Variants in GLIPR1L2 observed in about 807,000 individuals in gnomAD.
The protein encoded by GLIPR1L2 is GLIPR1-like protein 2.
GLIPR1L2 carries 21 observed loss-of-function variants against 28.4 expected under a neutral mutation model. That is an observed-to-expected ratio of 0.74 (90% confidence interval 0.52 to 1.06). The LOEUF is 1.06. Ranked by LOEUF, GLIPR1L2 falls within the 50% of genes least tolerant of loss-of-function variation. The probability of loss-of-function intolerance (pLI) is 0.00; values close to 1 mark genes in which losing one functional copy is unlikely to be tolerated. For synonymous variants in GLIPR1L2, 145 were observed against 139.3 expected, an observed-to-expected ratio of 1.04 and a Z score of -0.29; for missense variants, 476 against 416.9, an observed-to-expected ratio of 1.14 and a Z score of -1.23.
chr12:75,396,253 C>G (rs1277501518), intron 1 of GLIPR1L2, among the ~76,000 whole-genome samples: 3 of 152,060 alleles, frequency 2.0e-5, no homozygotes, highest in African/African-American at 7.2e-5. Flanking sequence ...CAGCCTTTAA[C>G]CCTGGGGCTC....
Position 75,391,109 on chromosome 12 carries a change from G to A in GLIPR1L2, c.-8G>A. 3 of 1,603,500 alleles carry A rather than the reference G, an allele frequency of 1.9e-6. No homozygotes were observed. Among genetic ancestry groups the A allele is most frequent in the Non-Finnish European group, 2.6e-6 (3 of 1,171,814 alleles). Reference sequence around the variant, plus strand: ...CGTGCGCACTGGCCTGTCAGCGGCCGGTGGACCATGGAGGCCGCAAGGCCC... The same window carrying A: ...CGTGCGCACTGGCCTGTCAGCGGCCAGTGGACCATGGAGGCCGCAAGGCCC... On this transcript the variant is annotated 5_prime_UTR_variant, in exon 1 of 6. Transcript: ENST00000550916.
intron 1 of GLIPR1L2, among the ~76,000 whole-genome samples, chr12:75,394,082 A>T (rs1486833519): frequency 6.6e-6 from 1 of 152,000 alleles, no homozygotes; most frequent in East Asian, 1.9e-4. Flanking sequence ...CTATCTATTC[A>T]AGTCGTTTGC....
chr12:75,428,035 T>C (rs1370175925), intron 4 of GLIPR1L2, among the ~76,000 whole-genome samples: 2 of 152,152 alleles, frequency 1.3e-5, no homozygotes, highest in Non-Finnish European at 2.9e-5. Flanking sequence ...TACCTGAAAA[T>C]GTGGAAGCAA....
intron 3 of GLIPR1L2, among the ~76,000 whole-genome samples, chr12:75,414,442 C>A (rs1484858587): frequency 1.3e-5 from 2 of 151,836 alleles, no homozygotes; most frequent in South Asian, 4.2e-4. Context: ...GGAATTTCTG[C>A]CAAATAAAAT....
At chr12:75,429,275 G>A (rs2046066460) in intron 4 of GLIPR1L2, among the ~76,000 whole-genome samples, 1 of 152,216 alleles carries the variant, frequency 6.6e-6, no homozygotes, top group East Asian at 1.9e-4. Flanking sequence ...AAGACATGGA[G>A]CCAAAGGAGA....
chr12:75,398,102 G>A (rs937846471), intron 1 of GLIPR1L2, among the ~76,000 whole-genome samples: 17 of 151,516 alleles, frequency 1.1e-4, no homozygotes, highest in African/African-American at 4.1e-4. Flanking sequence ...AGGCCAAGGC[G>A]GGCAGATCAC....
Position 75,413,692 on chromosome 12 carries a change from A to C in GLIPR1L2, c.575A>C (p.Tyr192Ser). ...CATGCAGCAATTTTCATATGCAACTATGCGCCAGGGTAAGTTACTTAAAAT... is the reference window on the plus strand; with the variant it reads ...CATGCAGCAATTTTCATATGCAACTCTGCGCCAGGGTAAGTTACTTAAAAT... The part of the protein sequence containing the change: ...IIHAAIFICN[Y>S]APGGTLTRRP... Residue 192 changes from tyrosine (Y) to serine (S), a missense_variant, in exon 3 of 6, where the codon TAT becomes TCT. By Grantham distance (144) the Tyr-to-Ser change is moderately radical. Coordinates refer to ENST00000550916, the MANE Select transcript of GLIPR1L2 (RefSeq NM_001270396.2). 6.9e-7 allele frequency: 1 copy of C among 1,459,022 alleles called. No homozygotes were observed. Among genetic ancestry groups the C allele is most frequent in the Non-Finnish European group, 9.2e-7 (1 of 1,085,296 alleles). The allele number at this position is 1,459,022 out of a possible 1,614,324, so 90.4% of individuals were successfully genotyped here. A position where few individuals can be genotyped will look rare whatever the true frequency, so the allele number is the denominator to read the frequency against.
At chr12:75,398,138 T>C (rs1319218519) in intron 1 of GLIPR1L2, among the ~76,000 whole-genome samples, 2 of 151,806 alleles carry the variant, frequency 1.3e-5, no homozygotes, top group Non-Finnish European at 2.9e-5. Context: ...CTGACCAGCC[T>C]GGCCAACATG....
At chr12:75,418,094 A>T (rs538129920) in intron 3 of GLIPR1L2, among the ~76,000 whole-genome samples, 12 of 152,232 alleles carry the variant, frequency 7.9e-5, no homozygotes, top group South Asian at 4.1e-4. Context: ...TGTGCCAAAG[A>T]CATTGCACAT....
At position 75,431,417 on chromosome 12, in the gene GLIPR1L2, A is replaced by G. The variant is rs2046092168; in HGVS notation, c.*256A>G. On this transcript the variant is annotated 3_prime_UTR_variant, in exon 6 of 6. Coordinates refer to ENST00000550916, the MANE Select transcript of GLIPR1L2 (RefSeq NM_001270396.2). ...CAGATAAAGACATGACAGGAAAAAC[A>G]CTGAAAAACATTTGACCAGTCTAAT... 2.9e-6 allele frequency: 1 copy of G among 344,626 alleles called. No individual in the cohort carries two copies. Among genetic ancestry groups the G allele is most frequent in the Non-Finnish European group, 5.2e-6 (1 of 192,338 alleles). The allele number at this position is 344,626 out of a possible 1,614,324, so 21.3% of individuals were successfully genotyped here.
rs1255642105 is a variant in GLIPR1L2, at chr12:75,410,577, T to C, written c.378T>C (p.Asn126=). 6.2e-7 allele frequency: 1 copy of C among 1,612,220 alleles called. No homozygotes were observed. The highest frequency in any genetic ancestry group is 1.3e-5 in the African/African-American group (1 of 74,802). Reference sequence around the variant, plus strand: ...AAAATATGTGGGTCGGCCCTGAAAATGAATTTACTGCAAGTATTGCTATCA... The same window carrying C: ...AAAATATGTGGGTCGGCCCTGAAAACGAATTTACTGCAAGTATTGCTATCA... ...IGENMWVGPE[N]EFTASIAIRS... Residue 126 remains asparagine, a synonymous_variant, in exon 2 of 6, where the codon AAT becomes AAC. Coordinates refer to ENST00000550916, the MANE Select transcript of GLIPR1L2 (RefSeq NM_001270396.2).
At chr12:75,394,094 C>A (rs1175164077) in intron 1 of GLIPR1L2, among the ~76,000 whole-genome samples, 1 of 152,002 alleles carries the variant, frequency 6.6e-6, no homozygotes, top group African/African-American at 2.4e-5. Flanking sequence ...GTCGTTTGCA[C>A]ATTTTTTGGC....
rs549759017 is a variant in GLIPR1L2 at position 75,428,712 on chromosome 12, C to T, written c.671-2003C>T. On this transcript the variant is annotated intron_variant, in intron 4 of 5. Coordinates refer to ENST00000550916, the MANE Select transcript of GLIPR1L2 (RefSeq NM_001270396.2). ...GAAAAATTGTTTCATGGGCCAGGCC[C>T]AGTCCCCGCTGCTCTGTGTAGCCTT... Among the ~76,000 whole-genome samples, 11 of 152,324 alleles carry T rather than the reference C, an allele frequency of 7.2e-5. 1 individual carries two copies. In the South Asian group the frequency reaches 1.2e-3, roughly 17 times the overall value.
chr12:75,391,556 G>A (rs750418238), intron 1 of GLIPR1L2: 21 of 1,514,830 alleles, frequency 1.4e-5, no homozygotes, highest in Non-Finnish European at 1.7e-5. Flanking sequence ...TATTACACAG[G>A]GCCAGGACTA....
intron 4 of GLIPR1L2, among the ~76,000 whole-genome samples, 187 bp from the exon 5 acceptor site, chr12:75,430,528 C>T (rs2046080682): frequency 6.6e-6 from 1 of 152,142 alleles, no homozygotes; most frequent in Non-Finnish European, 1.5e-5. Context: ...CTTTCTGTAG[C>T]AGACCAGGCT....
chr12:75,424,362 T>G (rs2046011771), intron 4 of GLIPR1L2, among the ~76,000 whole-genome samples: 1 of 152,240 alleles, frequency 6.6e-6, no homozygotes, highest in African/African-American at 2.4e-5. Context: ...CATAAATGTC[T>G]TCTTTTGAGA....
intron 1 of GLIPR1L2, among the ~76,000 whole-genome samples, chr12:75,398,328 CAAAA>C (rs71078729): frequency 0.35 from 30,423 of 86,582 alleles, 2,392 homozygotes; most frequent in East Asian, 0.47. Context: ...GACTCCATCT[CAAAA>C]AAAAAAAAAA....
At chr12:75,429,933 TCTTTC>T in intron 4 of GLIPR1L2, among the ~76,000 whole-genome samples, 2 of 89,224 alleles carry the variant, frequency 2.2e-5, no homozygotes, top group South Asian at 4.4e-4. Context: ...TCTTTTCTTT[TCTTTC>T]TTTTTTTTTT....
At chr12:75,429,691 T>G (rs1050770809) in intron 4 of GLIPR1L2, among the ~76,000 whole-genome samples, 1 of 152,124 alleles carries the variant, frequency 6.6e-6, no homozygotes, top group Non-Finnish European at 1.5e-5. Context: ...GGGAGGGACC[T>G]GGTGGGAGGT....
Sources: gnomAD v4.1 joint callset for allele counts (sites outside exome capture counted in the v4.1 genomes callset) on GRCh38, gnomAD v4.1.1 for gene constraint, MANE v1.5 for transcripts, NCBI Gene and HGNC (gene_info 2026-07-23, HGNC 2026-07-21) for gene names.